Variants in NTNG1 observed in about 807,000 individuals in gnomAD.
The protein encoded by NTNG1 is netrin-G1.
Under a neutral mutation model 54.0 loss-of-function variants are expected in NTNG1, and 16 were observed. The ratio of observed to expected loss-of-function variants is 0.30; its 90% confidence interval spans 0.20 to 0.45. The LOEUF (loss-of-function observed/expected upper bound fraction) is 0.45, where lower values mean the gene tolerates loss of function less well. Ranked by LOEUF, NTNG1 falls within the 20% of genes least tolerant of loss-of-function variation. The pLI is 1.00. For missense variants in NTNG1, 530 were observed against 678.7 expected, an observed-to-expected ratio of 0.78 and a Z score of 2.43; for synonymous variants, 255 against 263.1, an observed-to-expected ratio of 0.97 and a Z score of 0.30.
chr1:107,437,036 G>T (rs1436285550), intron 7 of NTNG1, among the ~76,000 whole-genome samples: 2 of 152,082 alleles, frequency 1.3e-5, no homozygotes, highest in Admixed American at 6.6e-5. Context: ...TTGAAATATT[G>T]TATGGAGATC....
intron 3 of NTNG1, among the ~76,000 whole-genome samples, chr1:107,384,626 A>C (rs1187217262): frequency 2.6e-5 from 4 of 152,216 alleles, no homozygotes; most frequent in African/African-American, 9.6e-5. Flanking sequence ...GCCCAAGACA[A>C]GAAAATCCCA....
Position 107,270,899 on chromosome 1 carries a change from T to C in NTNG1, c.247-53383T>C, listed in dbSNP as rs78066411. ...ACACTTATATTGTGAAAGCACTCTC[T>C]CCAGAACAATACACAACATATAGGA... On this transcript the variant is annotated intron_variant, in intron 2 of 7. Coordinates refer to ENST00000370068, the MANE Select transcript of NTNG1 (RefSeq NM_001113226.3). Among the ~76,000 whole-genome samples the C allele has an allele frequency of 8.0e-3, 1,221 of 152,174 alleles. 16 individuals carry two copies. The highest frequency in any genetic ancestry group is 0.061 in the East Asian group (315 of 5,180).
chr1:107,213,092 A>T (rs1241532726), intron 2 of NTNG1, among the ~76,000 whole-genome samples: 1 of 151,734 alleles, frequency 6.6e-6, no homozygotes, highest in African/African-American at 2.4e-5. Flanking sequence ...TTTTCATTTT[A>T]GCTGTTAAAT....
chr1:107,413,581 T>C lies in NTNG1; in HGVS notation c.1087+5873T>C, dbSNP rs748997121. ...TTCCTCATATGCCAGGGAAGAAGAATGTTTAAGTAAGGTTCACTAACATCC... is the reference window on the plus strand; with the variant it reads ...TTCCTCATATGCCAGGGAAGAAGAACGTTTAAGTAAGGTTCACTAACATCC... On this transcript the variant is annotated intron_variant, in intron 5 of 7. Transcript: ENST00000370068. Among the ~76,000 whole-genome samples, 4 of 152,046 alleles carry C rather than the reference T, an allele frequency of 2.6e-5. No homozygotes were observed. In the East Asian group the frequency reaches 7.7e-4, roughly 29 times the overall value.
chr1:107,406,047 T>C (rs1338643438), intron 4 of NTNG1, among the ~76,000 whole-genome samples: 1 of 152,126 alleles, frequency 6.6e-6, no homozygotes, highest in African/African-American at 2.4e-5. Context: ...TGATCAGTAA[T>C]TAAGCTGAAG....
At position 107,255,664 on chromosome 1, in the gene NTNG1, T is replaced by C. The variant is rs534953940; in HGVS notation, c.247-68618T>C. 2.6e-5 allele frequency among the ~76,000 whole-genome samples: 4 copies of C among 152,180 alleles called. No homozygotes were observed. The South Asian group carries it at 8.3e-4, about 31-fold the overall frequency. ...ATTCTAGTAATTCAAGTTTTTCAAC[T>C]TACCACCCACATTCCTGGATTCTGA... On this transcript the variant is annotated intron_variant, in intron 2 of 7. Coordinates refer to ENST00000370068, the MANE Select transcript of NTNG1 (RefSeq NM_001113226.3).
At chr1:107,287,361 G>C (rs540550590) in intron 2 of NTNG1, among the ~76,000 whole-genome samples, 40 of 152,296 alleles carry the variant, frequency 2.6e-4, no homozygotes, top group African/African-American at 8.4e-4. Context: ...CAGAATACCG[G>C]TTACATGGCC....
At chr1:107,322,953 C>T (rs890136123) in intron 2 of NTNG1, among the ~76,000 whole-genome samples, 10 of 151,878 alleles carry the variant, frequency 6.6e-5, no homozygotes, top group African/African-American at 2.4e-4. Flanking sequence ...GAGAAAGTTG[C>T]CTCTAGGGAG....
chr1:107,187,607 C>G (rs1657564398), intron 2 of NTNG1, among the ~76,000 whole-genome samples: 1 of 152,164 alleles, frequency 6.6e-6, no homozygotes, highest in Non-Finnish European at 1.5e-5. Flanking sequence ...CCAAACAGAT[C>G]ACATACATTG....
intron 5 of NTNG1, among the ~76,000 whole-genome samples, chr1:107,425,523 T>C (rs1428861398): frequency 6.6e-6 from 1 of 152,176 alleles, no homozygotes; most frequent in Non-Finnish European, 1.5e-5. Context: ...TAATTCTTTC[T>C]TATGTCTGCA....
intron 5 of NTNG1, among the ~76,000 whole-genome samples, chr1:107,411,634 A>G (rs1673818281): frequency 6.6e-6 from 1 of 152,178 alleles, no homozygotes; most frequent in Admixed American, 6.5e-5. Flanking sequence ...CCCCCAAATA[A>G]AAGTTTCATT....
intron 7 of NTNG1, among the ~76,000 whole-genome samples, chr1:107,459,775 G>A (rs1299495418): frequency 1.3e-5 from 2 of 152,124 alleles, no homozygotes; most frequent in Non-Finnish European, 2.9e-5. Context: ...CAAACGAGCT[G>A]TCCCAATACA....
At chr1:107,327,941 G>A (rs567649262) in intron 3 of NTNG1, among the ~76,000 whole-genome samples, 1 of 152,202 alleles carries the variant, frequency 6.6e-6, no homozygotes, top group South Asian at 2.1e-4. Flanking sequence ...TGGAAAAATA[G>A]TGTTTTGATT....
intron 5 of NTNG1, 109 bp downstream of exon 5, chr1:107,407,817 G>C: frequency 1.0e-6 from 1 of 960,230 alleles, no homozygotes; most frequent in Non-Finnish European, 1.7e-6. Context: ...TGATGTAATA[G>C]GGTATTTTCT....
At chr1:107,140,495 T>C (rs886295348), upstream of NTNG1, among the ~76,000 whole-genome samples, 1 of 151,658 alleles carries the variant, frequency 6.6e-6, no homozygotes, top group African/African-American at 2.4e-5. Flanking sequence ...TCAAACGGAC[T>C]TTGGGTGCGT....
Position 107,148,325 on chromosome 1 carries a change from A to G in NTNG1, c.-269A>G, listed in dbSNP as rs1654289227. ...AATAGATATGTTCTAAGACAAAGAA[A>G]AAGCTGCAAGTTGTTAACGCCTAAC... On this transcript the variant is annotated 5_prime_UTR_variant, in exon 2 of 8. Coordinates refer to ENST00000370068, the MANE Select transcript of NTNG1 (RefSeq NM_001113226.3). The G allele has an allele frequency of 5.1e-6, 2 of 388,852 alleles. No individual in the cohort carries two copies. Among genetic ancestry groups the G allele is most frequent in the South Asian group, 7.5e-5 (2 of 26,576 alleles). The allele number at this position is 388,852 out of a possible 1,614,324, so 24.1% of individuals were successfully genotyped here. A position where few individuals can be genotyped will look rare whatever the true frequency, so the allele number is the denominator to read the frequency against.
At chr1:107,244,461 T>G (rs1409464476) in intron 2 of NTNG1, among the ~76,000 whole-genome samples, 1 of 152,172 alleles carries the variant, frequency 6.6e-6, no homozygotes, top group African/African-American at 2.4e-5. Flanking sequence ...TACAAACCGA[T>G]GCTGCTGTCT....
chr1:107,375,621 T>G (rs1557944859), intron 3 of NTNG1, among the ~76,000 whole-genome samples: 1 of 152,222 alleles, frequency 6.6e-6, no homozygotes, highest in Non-Finnish European at 1.5e-5. Flanking sequence ...ATTATTATGT[T>G]TTAGTCAAGA....
At chr1:107,296,141 C>T (rs200732651) in intron 2 of NTNG1, among the ~76,000 whole-genome samples, 1 of 152,130 alleles carries the variant, frequency 6.6e-6, no homozygotes, top group East Asian at 1.9e-4. Context: ...CACTGGTAAA[C>T]ATCAGACTCA....
Sources: allele counts gnomAD v4.1 joint callset (sites outside exome capture counted in the v4.1 genomes callset), GRCh38; gene constraint gnomAD v4.1.1; transcripts MANE v1.5; gene names NCBI Gene and HGNC (gene_info 2026-07-23, HGNC 2026-07-21).